Variants in SPTB observed in about 807,000 individuals in gnomAD.
SPTB encodes spectrin beta, erythrocytic, also known as spectrin beta chain, erythrocytic.
In SPTB, 45 loss-of-function variants were observed where a neutral mutation model predicts 256.2. The ratio of observed to expected loss-of-function variants is 0.18; its 90% CI spans 0.14 to 0.23. The LOEUF (loss-of-function observed/expected upper bound fraction) is 0.23. SPTB is among the 10% of genes least tolerant of loss of function. SPTB has a pLI of 1.00. For missense variants in SPTB, 2,715 were observed against 3,040.4 expected (o/e 0.89, Z 2.52); for synonymous variants, 1,231 against 1,243.1 (o/e 0.99, Z 0.21).
Position 64,847,571 on chromosome 14 carries a change from G to A in SPTB, c.-51-24426C>T, listed in dbSNP as rs1229095587. ...CGTCAACTCAGAAGAAGAAATCCAG[G>A]GCCTGGGAGCAACCACCACACTCCT... On this transcript the variant is annotated intron_variant, in intron 1 of 35. Transcript: ENST00000644917. This position sits in a 1 kb window ranked among gnomAD's most constrained non-coding sequence, Gnocchi z 5.9. 6.6e-6 allele frequency among the ~76,000 whole-genome samples: 1 copy of A among 152,104 alleles called. No individual in the cohort carries two copies. Among genetic ancestry groups the A allele is most frequent in the African/African-American group, 2.4e-5 (1 of 41,400 alleles).
At chr14:64,851,861 T>G (rs1361461831) in intron 1 of SPTB, among the ~76,000 whole-genome samples, 17 of 146,156 alleles carry the variant, frequency 1.2e-4, no homozygotes, top group African/African-American at 3.3e-4. Flanking sequence ...TAGGGCCTGT[T>G]GTGGGGGGTG....
At position 64,847,929 on chromosome 14, in the gene SPTB, C is replaced by A. The variant is rs961616660; in HGVS notation, c.-51-24784G>T. 6.6e-6 allele frequency among the ~76,000 whole-genome samples: 1 copy of A among 152,162 alleles called. No homozygotes were observed. Among genetic ancestry groups the A allele is most frequent in the South Asian group, 2.1e-4 (1 of 4,830 alleles). On this transcript the variant is annotated intron_variant, in intron 1 of 35. Transcript: ENST00000644917. The surrounding 1 kb of genome is among the most constrained non-coding windows in gnomAD (Gnocchi z 5.9). The stretch of plus-strand genomic sequence containing the variant: ...CCTCCACTGTCCGTGGCCAGGTGAT[C>A]GCATGCATCCTTCACCTGTGAATGC...
At chr14:64,870,510 C>T (rs1450384343) in intron 1 of SPTB, among the ~76,000 whole-genome samples, 1 of 152,190 alleles carries the variant, frequency 6.6e-6, no homozygotes, top group East Asian at 1.9e-4. Context: ...TTAAACATCA[C>T]CTGCCTGTCC....
rs184194946 is a variant in SPTB at position 64,754,540 on chromosome 14, T to C, written c.6346-747A>G. 6 of 155,956 alleles carry C rather than the reference T, an allele frequency of 3.8e-5. No individual in the cohort carries two copies. In the East Asian group the frequency reaches 1.1e-3, roughly 30 times the overall value. The allele number at this position is 155,956 out of a possible 1,614,324, so 9.7% of individuals were successfully genotyped here. A position where few individuals can be genotyped will look rare whatever the true frequency, so the allele number is the denominator to read the frequency against. ...TAACTGGCCCCGGGGGTCGGCACAT[T>C]GGTATCTCTTACTGAGCATTTCATG... On this transcript the variant is annotated intron_variant, in intron 32 of 35. Coordinates refer to ENST00000644917, the MANE Select transcript of SPTB (RefSeq NM_001355436.2).
Position 64,823,655 on chromosome 14 carries a change from G to A in SPTB, c.-51-510C>T, listed in dbSNP as rs1171046635. The stretch of plus-strand genomic sequence containing the variant: ...ACCATGGGGAGAGATGGATGAGAGA[G>A]TTAAGCCGCCACTGACGCCACCAGC... On this transcript the variant is annotated intron_variant, in intron 1 of 35. Transcript: ENST00000644917. The surrounding 1 kb of genome is among the most constrained non-coding windows in gnomAD (Gnocchi z 6.5). 6.6e-6 allele frequency among the ~76,000 whole-genome samples: 1 copy of A among 152,184 alleles called. No individual in the cohort carries two copies.
At position 64,845,590 on chromosome 14, in the gene SPTB, T is replaced by C. The variant is rs935144157; in HGVS notation, c.-51-22445A>G. 2.0e-5 allele frequency among the ~76,000 whole-genome samples: 3 copies of C among 152,192 alleles called. No individual in the cohort carries two copies. Among genetic ancestry groups the C allele is most frequent in the African/African-American group, 7.2e-5 (3 of 41,442 alleles). On this transcript the variant is annotated intron_variant, in intron 1 of 35. Coordinates refer to ENST00000644917, the MANE Select transcript of SPTB (RefSeq NM_001355436.2). This position sits in a 1 kb window ranked among gnomAD's most constrained non-coding sequence, Gnocchi z 4.8. The stretch of plus-strand genomic sequence containing the variant: ...AAAGTTTTACCAGACTATAGGACTG[T>C]AGAGATGAAAAGCAAAAGGTTGTGA...
intron 8 of SPTB, 37 bp downstream of exon 8, chr14:64,800,719 G>A: frequency 6.4e-7 from 1 of 1,566,590 alleles, no homozygotes; most frequent in South Asian, 1.1e-5. Context: ...TGACAAACAG[G>A]GGAAGAGTGA....
At chr14:64,756,915 C>G (rs1348275726) in intron 32 of SPTB, 1 of 152,402 alleles carries the variant, frequency 6.6e-6, no homozygotes, top group African/African-American at 2.4e-5. Flanking sequence ...CTGGAGGCCC[C>G]AAAGCCCTGC....
Position 64,785,522 on chromosome 14 carries a change from T to G in SPTB, c.3855+15A>C, listed in dbSNP as rs1463301419. On this transcript the variant is annotated intron_variant, in intron 18 of 35. Coordinates refer to ENST00000644917, the MANE Select transcript of SPTB (RefSeq NM_001355436.2). This position sits in a 1 kb window ranked among gnomAD's most constrained non-coding sequence, Gnocchi z 4.4. ...GAATCTCCAGGAAAGCAGCCACTCC[T>G]TGCTGGAGCCTCACCTCCTGGCAGT... 10 of 1,607,418 alleles carry G rather than the reference T, an allele frequency of 6.2e-6. No individual in the cohort carries two copies. The highest frequency in any genetic ancestry group is 1.7e-5 in the Admixed American group (1 of 58,934).
Position 64,772,571 on chromosome 14 carries a change from T to C in SPTB, c.5553+9A>G, listed in dbSNP as rs1042856666. Reference sequence around the variant, plus strand: ...TGGTAGCAGGTGGGCGGCAGGGGGCTGAAGGTACCTGGACACCCAGCAGGT... The same window carrying C: ...TGGTAGCAGGTGGGCGGCAGGGGGCCGAAGGTACCTGGACACCCAGCAGGT... On this transcript the variant is annotated intron_variant, in intron 26 of 35. Transcript: ENST00000644917. This position sits in a 1 kb window ranked among gnomAD's most constrained non-coding sequence, Gnocchi z 5.4. The C allele has an allele frequency of 6.2e-7, 1 of 1,604,192 alleles. No homozygotes were observed. The highest frequency in any genetic ancestry group is 8.5e-7 in the Non-Finnish European group (1 of 1,179,828).
In SPTB at chr14:64,769,041, G is replaced by A; in HGVS notation, c.6015C>T (p.Leu2005=). 6.2e-7 allele frequency: 1 copy of A among 1,613,058 alleles called. No homozygotes were observed. The highest frequency in any genetic ancestry group is 8.5e-7 in the Non-Finnish European group (1 of 1,179,926). Residue 2005 remains leucine (L), a synonymous_variant, in exon 29 of 36, where the codon CTC becomes CTT. Coordinates refer to ENST00000644917, the MANE Select transcript of SPTB (RefSeq NM_001355436.2). ...CTCCAGGGCTGTACTCACACATGCGGAGCCGCTCCCAGCGGGCTTCCCACT... is the reference window on the plus strand; with the variant it reads ...CTCCAGGGCTGTACTCACACATGCGAAGCCGCTCCCAGCGGGCTTCCCACT... The part of the protein sequence containing the change: ...NEKWEARWER[L]RMLLEVCQFS...
In SPTB at chr14:64,844,823, T is replaced by A. The variant is rs2083664351; in HGVS notation, c.-51-21678A>T. On this transcript the variant is annotated intron_variant, in intron 1 of 35. Coordinates refer to ENST00000644917, the MANE Select transcript of SPTB (RefSeq NM_001355436.2). The surrounding 1 kb of genome is among the most constrained non-coding windows in gnomAD (Gnocchi z 4.1). ...TACATCCAAATCACATTCCAGAGAT[T>A]CCACCTGATCTCAGTGTTTGGAAAG... is the stretch of plus-strand genomic sequence containing the variant. Among the ~76,000 whole-genome samples, 1 of 152,218 alleles carries A rather than the reference T, an allele frequency of 6.6e-6. No homozygotes were observed. Among genetic ancestry groups the A allele is most frequent in the South Asian group, 2.1e-4 (1 of 4,826 alleles).
intron 1 of SPTB, among the ~76,000 whole-genome samples, chr14:64,862,487 T>G (rs1230075887): frequency 2.6e-5 from 4 of 152,048 alleles, no homozygotes; most frequent in Non-Finnish European, 5.9e-5. Context: ...ACCCCATCTC[T>G]GTAAAAACAT....
chr14:64,876,107 G>A (rs972903512), intron 1 of SPTB, among the ~76,000 whole-genome samples: 6 of 152,038 alleles, frequency 3.9e-5, no homozygotes, highest in Non-Finnish European at 7.4e-5. Context: ...TGGGATTATA[G>A]GCATAAGCCA....
Position 64,758,258 on chromosome 14 carries a change from A to C in SPTB, c.6346-4465T>G, listed in dbSNP as rs2082043800. On this transcript the variant is annotated intron_variant, in intron 32 of 35. Coordinates refer to ENST00000644917, the MANE Select transcript of SPTB (RefSeq NM_001355436.2). This position sits in a 1 kb window ranked among gnomAD's most constrained non-coding sequence, Gnocchi z 4.6. ...CTTGTTCCTGGAGTAGCAGATGCTC[A>C]GGACTGAGAAATGGGGAATGGGAAT... 6.6e-6 allele frequency among the ~76,000 whole-genome samples: 1 copy of C among 152,250 alleles called. No homozygotes were observed. The highest frequency in any genetic ancestry group is 6.5e-5 in the Admixed American group (1 of 15,288).
chr14:64,778,317 C>T lies in SPTB; in HGVS notation c.4563+840G>A, dbSNP rs575528078. On this transcript the variant is annotated intron_variant, in intron 22 of 35. Coordinates refer to ENST00000644917, the MANE Select transcript of SPTB (RefSeq NM_001355436.2). This position sits in a 1 kb window ranked among gnomAD's most constrained non-coding sequence, Gnocchi z 5.2. ...AGTGCTGTCTGCCATGACCTTCCTT[C>T]CTCAAGGAGCTGCAATACTAACCGG... 2.0e-5 allele frequency among the ~76,000 whole-genome samples: 3 copies of T among 152,300 alleles called. No homozygotes were observed. In the East Asian group the frequency reaches 5.8e-4, roughly 29 times the overall value.
intron 10 of SPTB, among the ~76,000 whole-genome samples, chr14:64,797,210 C>T (rs1224073014): frequency 1.3e-5 from 2 of 152,032 alleles, no homozygotes; most frequent in African/African-American, 2.4e-5. Context: ...TGATGGCTCA[C>T]ACGTGTAATC....
rs1166905769 is a variant in SPTB, at chr14:64,772,682, G to A, written c.5451C>T (p.His1817=). 1 of 1,613,724 alleles carries A rather than the reference G, an allele frequency of 6.2e-7. No individual in the cohort carries two copies. Among genetic ancestry groups the A allele is most frequent in the Admixed American group, 1.7e-5 (1 of 60,020 alleles). The stretch of plus-strand genomic sequence containing the variant: ...GCCCCACGTCCTCGGGCAGCTCGCG[G>A]TGCTTCTCGTCGATGAGGCCCAGGA... ...AEILGLIDEK[H]RELPEDVGLD... The change falls in exon 26 of 36, where the codon CAC becomes CAT. Residue 1817 remains histidine (H), a synonymous_variant. Coordinates refer to ENST00000644917, the MANE Select transcript of SPTB (RefSeq NM_001355436.2). This position sits in a 1 kb window ranked among gnomAD's most constrained non-coding sequence, Gnocchi z 5.4.
Position 64,749,805 on chromosome 14 carries a change from C to G in SPTB, c.6777-109G>C. ...CTGAGCCGAACATCCAGACCCCTCTCAGGCAGCCCAGCACTTTCTGAGAGG... is the reference window on the plus strand; with the variant it reads ...CTGAGCCGAACATCCAGACCCCTCTGAGGCAGCCCAGCACTTTCTGAGAGG... On this transcript the variant is annotated intron_variant, in intron 34 of 35. Coordinates refer to ENST00000644917, the MANE Select transcript of SPTB (RefSeq NM_001355436.2). The surrounding 1 kb of genome is among the most constrained non-coding windows in gnomAD (Gnocchi z 4.7). 1 of 1,506,570 alleles carries G rather than the reference C, an allele frequency of 6.6e-7. No homozygotes were observed. The highest frequency in any genetic ancestry group is 9.1e-7 in the Non-Finnish European group (1 of 1,097,894). 93.3% of individuals were successfully genotyped at this position (1,506,570 alleles called of 1,614,324 possible).
Sources: allele counts gnomAD v4.1 joint callset (sites outside exome capture counted in the v4.1 genomes callset), GRCh38; gene constraint gnomAD v4.1.1; non-coding constraint Gnocchi (gnomAD v3.1); transcripts MANE v1.5; gene names NCBI Gene and HGNC (gene_info 2026-07-23, HGNC 2026-07-21).